The following TRIM49B variants were observed in gnomAD, a reference collection of about 807,000 sequenced individuals.
The protein encoded by TRIM49B is putative tripartite motif-containing protein 49B.
Under a neutral mutation model 31.8 loss-of-function variants are expected in TRIM49B, and 18 were observed. That is an observed-to-expected ratio of 0.57 (90% CI 0.39 to 0.84). TRIM49B has a LOEUF of 0.84. TRIM49B is among the 40% of genes least tolerant of loss of function. The pLI is 0.00. For synonymous variants in TRIM49B, 196 were observed against 180.6 expected, an observed-to-expected ratio of 1.09 and a Z score of -0.68; for missense variants, 494 against 538.7, an observed-to-expected ratio of 0.92 and a Z score of 0.82.
chr11:49,033,487 GTA>G (rs1854480440), intron 3 of TRIM49B, among the ~76,000 whole-genome samples: 3 of 152,132 alleles, frequency 2.0e-5, no homozygotes, highest in Admixed American at 6.6e-5. Flanking sequence ...ATGTATGTAT[GTA>G]TGTATGTGTG....
chr11:49,034,327 A>G lies in TRIM49B; in HGVS notation c.689A>G (p.Tyr230Cys). ...AGGAGGGAGATTTTAAGAGGAATGTATGAGGAGCTGAACGAAATGTGCCAT... is the reference window on the plus strand; with the variant it reads ...AGGAGGGAGATTTTAAGAGGAATGTGTGAGGAGCTGAACGAAATGTGCCAT... Reference protein sequence around the residue: ...AHRREILRGMYEELNEMCHKP... With the variant: ...AHRREILRGMCEELNEMCHKP... Residue 230 changes from tyrosine to cysteine, a missense_variant, in exon 4 of 7, where the codon TAT becomes TGT. This residue lies in a region of TRIM49B where 233 missense variants were observed against 281.4 expected (regional missense o/e 0.83). Coordinates refer to ENST00000332682, the MANE Select transcript of TRIM49B (RefSeq NM_001206626.2). The G allele has an allele frequency of 6.2e-7, 1 of 1,612,012 alleles. No individual in the cohort carries two copies. Among genetic ancestry groups the G allele is most frequent in the South Asian group, 1.1e-5 (1 of 90,986 alleles).
Position 49,038,131 on chromosome 11 carries a change from A to G in TRIM49B, c.*154A>G. ...ATCAAAACTCATTTATTGTGTTACT[A>G]TTAAATATGCTGAAAACACTAAAAG... On this transcript the variant is annotated 3_prime_UTR_variant, in exon 7 of 7. Transcript: ENST00000332682. 9 of 1,480,186 alleles carry G rather than the reference A, an allele frequency of 6.1e-6. No homozygotes were observed. Among genetic ancestry groups the G allele is most frequent in the Non-Finnish European group, 8.1e-6 (9 of 1,109,286 alleles). The allele number at this position is 1,480,186 out of a possible 1,614,324, so 91.7% of individuals were successfully genotyped here. A position where few individuals can be genotyped will look rare whatever the true frequency, so the allele number is the denominator to read the frequency against.
In TRIM49B at chr11:49,031,741, T is replaced by C; in HGVS notation, c.142T>C (p.Phe48Leu). 6.2e-7 allele frequency: 1 copy of C among 1,613,988 alleles called. No individual in the cohort carries two copies. Among genetic ancestry groups the C allele is most frequent in the Non-Finnish European group, 8.5e-7 (1 of 1,179,864 alleles). ...CTACCTCAACTGGAAAGACAGCCCATTTCTTGTCCAGTGCTCTGAATGCAC... is the reference window on the plus strand; with the variant it reads ...CTACCTCAACTGGAAAGACAGCCCACTTCTTGTCCAGTGCTCTGAATGCAC... Reference protein sequence around the residue: ...CFYLNWKDSPFLVQCSECTKS... With the variant: ...CFYLNWKDSPLLVQCSECTKS... Residue 48 changes from phenylalanine to leucine, a missense_variant, in exon 2 of 7, where the codon TTT (phenylalanine) becomes CTT (leucine). Transcript: ENST00000332682.
chr11:49,037,177 A>G (rs1308257777), intron 6 of TRIM49B, among the ~76,000 whole-genome samples: 1 of 152,232 alleles, frequency 6.6e-6, no homozygotes, highest in Non-Finnish European at 1.5e-5. Context: ...ACATTTCTAA[A>G]TAATGATCTT....
chr11:49,034,986 T>C (rs1854501801), intron 4 of TRIM49B, 109 bp from the exon 5 acceptor site: 2 of 1,547,912 alleles, frequency 1.3e-6, no homozygotes, highest in East Asian at 2.3e-5. Context: ...GAAGAGAAGA[T>C]GGTAGGGGAA....
At chr11:49,032,769 C>T (rs1368349635) in intron 3 of TRIM49B, among the ~76,000 whole-genome samples, 3 of 151,998 alleles carry the variant, frequency 2.0e-5, no homozygotes, top group African/African-American at 4.8e-5. Context: ...AATCTGAATG[C>T]TAGTGTGCAA....
intron 5 of TRIM49B, 147 bp from the exon 6 acceptor site, chr11:49,036,154 G>T (rs1265357884): frequency 1.4e-6 from 2 of 1,462,818 alleles, no homozygotes; most frequent in Non-Finnish European, 1.8e-6. Flanking sequence ...AAACTGTAAA[G>T]AATTAATTTG....
At chr11:49,035,508 C>T (rs1217584741) in intron 5 of TRIM49B, among the ~76,000 whole-genome samples, 2 of 151,666 alleles carry the variant, frequency 1.3e-5, no homozygotes, top group South Asian at 2.1e-4. Context: ...TACAGGCGCC[C>T]GCCACCACAC....
At position 49,037,525 on chromosome 11, in the gene TRIM49B, T is replaced by G; in HGVS notation, c.907T>G (p.Cys303Gly). The change falls in exon 7 of 7, where the codon TGT (cysteine) becomes GGT (glycine). Residue 303 changes from cysteine to glycine, a missense_variant. Physicochemically the swap from Cys to Gly is radical, Grantham distance 159. Transcript: ENST00000332682. Reference protein sequence around the residue: ...HEEANSDIFLCEILRSMCIGC... With the variant: ...HEEANSDIFLGEILRSMCIGC... The stretch of plus-strand genomic sequence containing the variant: ...AGAAGCCAACAGTGATATCTTTCTA[T>G]GTGAAATTTTGAGAAGCATGTGTAT... 1.2e-6 allele frequency: 2 copies of G among 1,614,242 alleles called. No individual in the cohort carries two copies. The highest frequency in any genetic ancestry group is 1.7e-6 in the Non-Finnish European group (2 of 1,180,048).
At chr11:49,029,189 T>C (rs770636377) in intron 1 of TRIM49B, among the ~76,000 whole-genome samples, 1 of 152,150 alleles carries the variant, frequency 6.6e-6, no homozygotes, top group Non-Finnish European at 1.5e-5. Flanking sequence ...ATATCTAGTG[T>C]TTGCTGCAAC....
intron 6 of TRIM49B, among the ~76,000 whole-genome samples, chr11:49,037,044 T>C (rs542415113): frequency 8.5e-5 from 13 of 152,336 alleles, no homozygotes; most frequent in Non-Finnish European, 1.6e-4. Flanking sequence ...CTGCTTTAAA[T>C]TATCACTTAT....
intron 1 of TRIM49B, 41 bp from the exon 2 acceptor site, chr11:49,031,555 A>T: frequency 6.2e-7 from 1 of 1,602,736 alleles, no homozygotes; most frequent in Non-Finnish European, 8.5e-7. Context: ...GCTTTTCATC[A>T]ACCCAGGCCC....
intron 4 of TRIM49B, among the ~76,000 whole-genome samples, chr11:49,034,871 T>C (rs1854500412): frequency 6.6e-6 from 1 of 152,226 alleles, no homozygotes; most frequent in Non-Finnish European, 1.5e-5. Flanking sequence ...TTCACTTGTT[T>C]AGAGAATGTC....
chr11:49,031,962 C>G lies in TRIM49B; in HGVS notation c.363C>G (p.His121Gln), dbSNP rs751031308. ...LCLLCSSSQE[H>Q]RDHRHCPIES... is the part of the protein sequence containing the mutation. ...TGCTGTGCTCCAGCTCTCAGGAGCA[C>G]CGGGATCACAGACACTGTCCCATTG... is the stretch of plus-strand genomic sequence containing the variant. The change falls in exon 2 of 7, where the codon CAC becomes CAG. Residue 121 changes from histidine to glutamine, a missense_variant. Transcript: ENST00000332682. 2.5e-6 allele frequency: 4 copies of G among 1,611,878 alleles called. No homozygotes were observed. In the African/African-American group the frequency reaches 5.3e-5, roughly 22 times the overall value.
At chr11:49,036,664 A>T (rs1417341470) in intron 6 of TRIM49B, among the ~76,000 whole-genome samples, 1 of 152,164 alleles carries the variant, frequency 6.6e-6, no homozygotes, top group Non-Finnish European at 1.5e-5. Flanking sequence ...TAGAAAATTT[A>T]AAAAAGGAGC....
chr11:49,037,671 G>C lies in TRIM49B; in HGVS notation c.1053G>C (p.Trp351Cys). The C allele has an allele frequency of 1.2e-6, 2 of 1,613,938 alleles. No individual in the cohort carries two copies. The highest frequency in any genetic ancestry group is 1.3e-5 in the African/African-American group (1 of 75,020). Residue 351 changes from tryptophan (W) to cysteine (C), a missense_variant, in exon 7 of 7, where the codon TGG (tryptophan) becomes TGC (cysteine). Trp to Cys is a radical substitution (Grantham distance 215, BLOSUM62 -2). Transcript: ENST00000332682. Reference protein sequence around the residue: ...YYWEVHVGDSWNWAFGVCNMY... With the variant: ...YYWEVHVGDSCNWAFGVCNMY... Reference sequence around the variant, plus strand: ...GGGAGGTCCATGTAGGGGACTCCTGGAATTGGGCTTTTGGTGTCTGTAATA... The same window carrying C: ...GGGAGGTCCATGTAGGGGACTCCTGCAATTGGGCTTTTGGTGTCTGTAATA...
At chr11:49,033,386 G>A (rs551894590) in intron 3 of TRIM49B, among the ~76,000 whole-genome samples, 35 of 152,186 alleles carry the variant, frequency 2.3e-4, no homozygotes, top group African/African-American at 6.5e-4. Context: ...TTTTGAAGAG[G>A]AGGGGGAACA....
chr11:49,032,476 T>TAAA, intron 3 of TRIM49B, 105 bp downstream of exon 3: 3 of 1,387,506 alleles, frequency 2.2e-6, no homozygotes. Flanking sequence ...TGGGATTCAG[T>TAAA]AAAAAAAAAA....
At chr11:49,036,610 G>T (rs535820212) in intron 6 of TRIM49B, among the ~76,000 whole-genome samples, 1 of 152,044 alleles carries the variant, frequency 6.6e-6, no homozygotes, top group Admixed American at 6.6e-5. Flanking sequence ...AATACTTTCT[G>T]GCATAATATG....
Sources: allele counts gnomAD v4.1 joint callset (sites outside exome capture counted in the v4.1 genomes callset), GRCh38; gene constraint gnomAD v4.1.1; regional missense constraint gnomAD v4.1.1; transcripts MANE v1.5; gene names NCBI Gene and HGNC (gene_info 2026-07-23, HGNC 2026-07-21).